VAV1: variants seen among roughly 807,000 people sequenced by gnomAD.
The protein encoded by VAV1 is proto-oncogene vav.
Under a neutral mutation model 128.1 loss-of-function variants are expected in VAV1, and 33 were observed. The observed-to-expected ratio is 0.26, with a 90% CI of 0.20 to 0.34. The LOEUF (loss-of-function observed/expected upper bound fraction) is 0.34. VAV1 is among the 10% of genes least tolerant of loss of function. VAV1 has a pLI of 1.00. For synonymous variants in VAV1, 394 were observed against 409.8 expected (o/e 0.96, Z 0.47); for missense variants, 715 against 1,093.7 (o/e 0.65, Z 4.88).
chr19:6,780,542 A>C lies in VAV1; in HGVS notation c.204+7531A>C, dbSNP rs1042965242. ...GCACTGAATACTTACCATTGCATTA[A>C]AAGATTGCCTTCTCCTTTTCTTTCT... On this transcript the variant is annotated intron_variant, in intron 1 of 26. Transcript: ENST00000602142. Among the ~76,000 whole-genome samples the C allele has an allele frequency of 2.3e-5, 3 of 127,958 alleles. 1 individual carries two copies. Among genetic ancestry groups the C allele is most frequent in the Admixed American group, 7.2e-5 (1 of 13,906 alleles). The allele number at this position is 127,958 out of a possible 152,430, so 83.9% of individuals were successfully genotyped here.
chr19:6,788,350 T>TTTATTA lies in VAV1; in HGVS notation c.204+15372_204+15377dup, dbSNP rs148778427. 6.4e-3 allele frequency among the ~76,000 whole-genome samples: 903 copies of TTTATTA among 141,954 alleles called. 6 individuals carry two copies. The highest frequency in any genetic ancestry group is 0.019 in the African/African-American group (758 of 38,916). The allele number at this position is 141,954 out of a possible 152,430, so 93.1% of individuals were successfully genotyped here. ...CTTCGTTGAACATGATTCTTTTTAT[T>TTTATTA]TTATTATTATTATTATTATTATTAT... On this transcript the variant is annotated intron_variant, in intron 1 of 26. Transcript: ENST00000602142.
intron 1 of VAV1, among the ~76,000 whole-genome samples, chr19:6,810,007 C>T (rs1971481352): frequency 6.6e-6 from 1 of 151,630 alleles, no homozygotes; most frequent in Admixed American, 6.6e-5. Context: ...CCTGTATCTA[C>T]AAAAAATAAA....
At chr19:6,824,047 C>T (rs898386235) in intron 6 of VAV1, among the ~76,000 whole-genome samples, 15 of 152,032 alleles carry the variant, frequency 9.9e-5, no homozygotes, top group African/African-American at 3.4e-4. Flanking sequence ...AAGTGATCCC[C>T]CTGCCTTAAC....
chr19:6,852,959 T>C lies in VAV1; in HGVS notation c.2218-6T>C. ...GATAGCATCTGCCATGTGGTCCGCC[T>C]TCTAGGAGCTGGTGGAGTTTTACCA... On this transcript the variant is annotated splice_region_variant and splice_polypyrimidine_tract_variant and intron_variant, in intron 24 of 26. Coordinates refer to ENST00000602142, the MANE Select transcript of VAV1 (RefSeq NM_005428.4). The C allele has an allele frequency of 1.2e-6, 2 of 1,607,044 alleles. No homozygotes were observed. The highest frequency in any genetic ancestry group is 8.5e-7 in the Non-Finnish European group (1 of 1,175,470).
intron 1 of VAV1, among the ~76,000 whole-genome samples, chr19:6,788,136 G>A (rs553532003): frequency 6.6e-6 from 1 of 152,006 alleles, no homozygotes; most frequent in South Asian, 2.1e-4. Flanking sequence ...ACCTCACTGT[G>A]TTGCTCAGGC....
chr19:6,843,288 C>T (rs1972425217), intron 22 of VAV1, 122 bp downstream of exon 22: 1 of 1,130,328 alleles, frequency 8.8e-7, no homozygotes, highest in African/African-American at 1.5e-5. Flanking sequence ...GCACCGACTT[C>T]TGAATCTAGC....
intron 14 of VAV1, among the ~76,000 whole-genome samples, chr19:6,831,344 G>A (rs3786686): frequency 0.36 from 53,974 of 151,750 alleles, 10,395 homozygotes; most frequent in South Asian, 0.45. Flanking sequence ...ACGGAGCCTC[G>A]CTCTGTCACC....
At chr19:6,834,098 A>T (rs1972159456) in intron 19 of VAV1, 145 bp downstream of exon 19, 9 of 1,226,918 alleles carry the variant, frequency 7.3e-6, no homozygotes, top group Non-Finnish European at 1.0e-5. Flanking sequence ...ACAATTTGGG[A>T]GGCCAAGGCG....
chr19:6,787,664 A>G (rs1247566937), intron 1 of VAV1, among the ~76,000 whole-genome samples: 1 of 151,926 alleles, frequency 6.6e-6, no homozygotes, highest in African/African-American at 2.4e-5. Flanking sequence ...TGGCATAGTC[A>G]TAGCTCCCTG....
chr19:6,781,502 T>G (rs1485850642), intron 1 of VAV1, among the ~76,000 whole-genome samples: 1 of 152,196 alleles, frequency 6.6e-6, no homozygotes. Flanking sequence ...GCCTCTTTCC[T>G]TATGTTTAAG....
chr19:6,789,434 G>A (rs151227171), intron 1 of VAV1, among the ~76,000 whole-genome samples: 1,727 of 151,990 alleles, frequency 0.011, 35 homozygotes, highest in African/African-American at 0.038. Context: ...TTATATTTTC[G>A]TAGAGATGGG....
Position 6,833,971 on chromosome 19 carries a change from G to A in VAV1, c.1777+18G>A. 2 of 1,614,002 alleles carry A rather than the reference G, an allele frequency of 1.2e-6. No homozygotes were observed. The highest frequency in any genetic ancestry group is 1.7e-6 in the Non-Finnish European group (2 of 1,179,976). ...TGAGCTGGGTGAGTTGGCAGGGGTTGCTGTGTGGGGGCAGGAGGAAAATTC... is the reference window on the plus strand; with the variant it reads ...TGAGCTGGGTGAGTTGGCAGGGGTTACTGTGTGGGGGCAGGAGGAAAATTC... On this transcript the variant is annotated intron_variant, in intron 19 of 26. Coordinates refer to ENST00000602142, the MANE Select transcript of VAV1 (RefSeq NM_005428.4).
chr19:6,847,548 CTGTT>C (rs1972554399), intron 22 of VAV1, among the ~76,000 whole-genome samples: 1 of 152,112 alleles, frequency 6.6e-6, no homozygotes, highest in African/African-American at 2.4e-5. Flanking sequence ...TATTAGAATA[CTGTT>C]TGTTTTACTT....
intron 1 of VAV1, among the ~76,000 whole-genome samples, chr19:6,797,628 C>CG (rs1354139008): frequency 1.3e-5 from 2 of 151,370 alleles, no homozygotes; most frequent in South Asian, 2.1e-4. Flanking sequence ...GTTTGAACCC[C>CG]GGGGGCAGAG....
chr19:6,773,161 C>T (rs945292661), intron 1 of VAV1, 150 bp downstream of exon 1: 4 of 1,095,646 alleles, frequency 3.7e-6, no homozygotes, highest in South Asian at 1.5e-5. Context: ...AGGGGGTGGT[C>T]ACAATCTGAG....
At chr19:6,778,597 C>T (rs963567577) in intron 1 of VAV1, among the ~76,000 whole-genome samples, 2 of 152,100 alleles carry the variant, frequency 1.3e-5, no homozygotes, top group Admixed American at 6.6e-5. Flanking sequence ...TAAGGCTGGG[C>T]GGTGGCTCAC....
At chr19:6,846,369 T>C (rs928019093) in intron 22 of VAV1, among the ~76,000 whole-genome samples, 16 of 151,142 alleles carry the variant, frequency 1.1e-4, no homozygotes, top group African/African-American at 3.9e-4. Flanking sequence ...GGTGGATCAC[T>C]TGAGGTCAGG....
In VAV1 at chr19:6,828,022, A is replaced by G. The variant is rs1971961067; in HGVS notation, c.928-54A>G. The G allele has an allele frequency of 6.6e-7, 1 of 1,515,448 alleles. No individual in the cohort carries two copies. The highest frequency in any genetic ancestry group is 1.4e-5 in the African/African-American group (1 of 72,824). 93.9% of individuals were successfully genotyped at this position (1,515,448 alleles called of 1,614,324 possible). A position where few individuals can be genotyped will look rare whatever the true frequency, so the allele number is the denominator to read the frequency against. On this transcript the variant is annotated intron_variant, in intron 9 of 26. Coordinates refer to ENST00000602142, the MANE Select transcript of VAV1 (RefSeq NM_005428.4). The surrounding 1 kb of genome is among the most constrained non-coding windows in gnomAD (Gnocchi z 4.5). ...CAAATCTATCTGCACCCACCCTGCA[A>G]CTGGCTGTTTCTGGGACCTGCCTCA...
At chr19:6,823,130 C>T (rs144736002) in intron 6 of VAV1, among the ~76,000 whole-genome samples, 1 of 143,180 alleles carries the variant, frequency 7.0e-6, no homozygotes, top group Non-Finnish European at 1.5e-5. Context: ...ATCTATCTAT[C>T]TTTTTTTTTT....
Sources: allele counts gnomAD v4.1 joint callset (sites outside exome capture counted in the v4.1 genomes callset), GRCh38; gene constraint gnomAD v4.1.1; non-coding constraint Gnocchi (gnomAD v3.1); transcripts MANE v1.5; gene names NCBI Gene and HGNC (gene_info 2026-07-23, HGNC 2026-07-21).